The following PPP3CC variants were observed in gnomAD, a reference collection of about 807,000 sequenced individuals.
PPP3CC encodes the protein serine/threonine-protein phosphatase 2B catalytic subunit gamma isoform.
In PPP3CC, 35 loss-of-function variants were observed where a neutral mutation model predicts 60.3. The ratio of observed to expected loss-of-function variants is 0.58; its 90% CI spans 0.44 to 0.77. PPP3CC has a LOEUF of 0.77. Among genes scored for constraint, PPP3CC ranks in the 30% least tolerant of loss-of-function variants. The pLI is 0.00. For missense variants in PPP3CC, 570 were observed against 628.9 expected (o/e 0.91, Z 1.00); for synonymous variants, 206 against 224.3 (o/e 0.92, Z 0.73).
chr8:22,453,079 C>G (rs901641064), intron 1 of PPP3CC, among the ~76,000 whole-genome samples: 2 of 152,064 alleles, frequency 1.3e-5, no homozygotes, highest in Non-Finnish European at 2.9e-5. Context: ...GATTACCAGC[C>G]GTGTGGCCTT....
At chr8:22,460,473 T>G (rs1837333069) in intron 1 of PPP3CC, among the ~76,000 whole-genome samples, 3 of 150,826 alleles carry the variant, frequency 2.0e-5, no homozygotes, top group Admixed American at 2.0e-4. Flanking sequence ...ATTACAAGCA[T>G]GAGCCACCAT....
intron 1 of PPP3CC, among the ~76,000 whole-genome samples, chr8:22,473,468 CTT>C (rs34686423): frequency 6.8e-6 from 1 of 146,860 alleles, no homozygotes. Context: ...CCCTTATCCA[CTT>C]TTTTTTTTTT....
chr8:22,526,069 T>G (rs1043839279), intron 8 of PPP3CC, among the ~76,000 whole-genome samples: 21 of 152,044 alleles, frequency 1.4e-4, no homozygotes, highest in African/African-American at 4.8e-4. Context: ...GGTTTTACCA[T>G]GTTGCCCAGG....
chr8:22,525,629 T>C (rs998032045), intron 8 of PPP3CC, among the ~76,000 whole-genome samples: 10 of 151,484 alleles, frequency 6.6e-5, no homozygotes, highest in Admixed American at 2.0e-4. Context: ...AGGAACTTGA[T>C]TCACTGCAGC....
At chr8:22,460,364 AGT>A (rs1209405733) in intron 1 of PPP3CC, among the ~76,000 whole-genome samples, 4 of 151,674 alleles carry the variant, frequency 2.6e-5, no homozygotes, top group African/African-American at 9.7e-5. Context: ...TTTGTGTGTG[AGT>A]GTGTGTTTTG....
Position 22,511,251 on chromosome 8 carries a change from T to C in PPP3CC, c.630+20T>C. 1 of 1,599,724 alleles carries C rather than the reference T, an allele frequency of 6.3e-7. No individual in the cohort carries two copies. Among genetic ancestry groups the C allele is most frequent in the Non-Finnish European group, 8.6e-7 (1 of 1,168,548 alleles). ...AGGAAAGTAAGTAATCTTTTATTAT[T>C]CTCACAGGGAATATTTTTAAAATGT... On this transcript the variant is annotated intron_variant, in intron 5 of 13. Coordinates refer to ENST00000240139, the MANE Select transcript of PPP3CC (RefSeq NM_005605.5).
chr8:22,453,376 A>G (rs1837093459), intron 1 of PPP3CC, among the ~76,000 whole-genome samples: 1 of 152,236 alleles, frequency 6.6e-6, no homozygotes, highest in Non-Finnish European at 1.5e-5. Flanking sequence ...CGGAGTTCTG[A>G]CAAATGCATC....
At chr8:22,456,512 T>C (rs1259496113) in intron 1 of PPP3CC, among the ~76,000 whole-genome samples, 1 of 152,132 alleles carries the variant, frequency 6.6e-6, no homozygotes, top group East Asian at 1.9e-4. Context: ...TCCCTCTCTT[T>C]GCCCGTGTCA....
chr8:22,459,647 A>T (rs954827230), intron 1 of PPP3CC, among the ~76,000 whole-genome samples: 2 of 152,148 alleles, frequency 1.3e-5, no homozygotes, highest in African/African-American at 4.8e-5. Context: ...AGTTCATGTC[A>T]TATTACTTTG....
At chr8:22,447,598 T>A (rs1405724773) in intron 1 of PPP3CC, among the ~76,000 whole-genome samples, 1 of 152,150 alleles carries the variant, frequency 6.6e-6, no homozygotes, top group Non-Finnish European at 1.5e-5. Flanking sequence ...GATTACGGTG[T>A]GAGCCACTGC....
chr8:22,454,621 C>T (rs1837137405), intron 1 of PPP3CC, among the ~76,000 whole-genome samples: 2 of 152,030 alleles, frequency 1.3e-5, no homozygotes, highest in Non-Finnish European at 2.9e-5. Flanking sequence ...TGCCTTATGC[C>T]GTGATGTTAA....
intron 6 of PPP3CC, among the ~76,000 whole-genome samples, chr8:22,514,870 G>T (rs571220437): frequency 6.6e-5 from 10 of 151,580 alleles, no homozygotes; most frequent in Non-Finnish European, 1.3e-4. Context: ...TAGAGATGGG[G>T]TTTCACCATG....
chr8:22,518,755 C>T (rs1041662015), intron 6 of PPP3CC, among the ~76,000 whole-genome samples: 4 of 152,218 alleles, frequency 2.6e-5, no homozygotes, highest in African/African-American at 2.4e-5. Flanking sequence ...GGCGCGACCT[C>T]GGCTCACTGC....
chr8:22,494,191 A>G (rs548946044), intron 3 of PPP3CC, among the ~76,000 whole-genome samples: 1 of 152,326 alleles, frequency 6.6e-6, no homozygotes, highest in African/African-American at 2.4e-5. Context: ...TTGGGAACAA[A>G]AAGAGGTTTA....
At chr8:22,441,585 C>G (rs1836672714) in intron 1 of PPP3CC, 127 bp downstream of exon 1, 3 of 1,045,988 alleles carry the variant, frequency 2.9e-6, no homozygotes, top group Non-Finnish European at 3.8e-6. Context: ...GGGGTGTAGA[C>G]AGAGCCGGGC....
At chr8:22,475,227 A>G in intron 2 of PPP3CC, 76 bp downstream of exon 2, 2 of 1,375,246 alleles carry the variant, frequency 1.5e-6, no homozygotes, top group Non-Finnish European at 2.0e-6. Context: ...ATTACAAATA[A>G]CCAGCTAAAA....
intron 10 of PPP3CC, among the ~76,000 whole-genome samples, chr8:22,529,000 G>C (rs929316393): frequency 1.3e-5 from 2 of 152,144 alleles, no homozygotes; most frequent in Non-Finnish European, 2.9e-5. Context: ...CATTTGTTTA[G>C]ATAAAAATGT....
At chr8:22,531,258 T>C in intron 10 of PPP3CC, 4 of 1,497,634 alleles carry the variant, frequency 2.7e-6, no homozygotes, top group Non-Finnish European at 3.6e-6. Context: ...TTCTCATATT[T>C]CTGTCTTCAT....
chr8:22,471,972 C>A (rs1239850011), intron 1 of PPP3CC, among the ~76,000 whole-genome samples: 1 of 151,794 alleles, frequency 6.6e-6, no homozygotes, highest in African/African-American at 2.4e-5. Context: ...ACAAAAAATA[C>A]AAAAATTAGC....
Sources: gnomAD v4.1 joint callset for allele counts (sites outside exome capture counted in the v4.1 genomes callset) on GRCh38, gnomAD v4.1.1 for gene constraint, MANE v1.5 for transcripts, NCBI Gene and HGNC (gene_info 2026-07-23, HGNC 2026-07-21) for gene names.